The following ARHGEF18 variants were observed in gnomAD, a reference collection of about 807,000 sequenced individuals.
ARHGEF18 encodes rho guanine nucleotide exchange factor 18.
In ARHGEF18, 93 loss-of-function variants were observed where a neutral mutation model predicts 155.7. That is an observed-to-expected ratio of 0.60 (90% confidence interval 0.50 to 0.71). ARHGEF18 has a LOEUF of 0.71. ARHGEF18 is among the 30% of genes least tolerant of loss of function. ARHGEF18 has a pLI of 0.00. For missense variants in ARHGEF18, 1,593 were observed against 1,816.1 expected (o/e 0.88, Z 2.23); for synonymous variants, 742 against 753.1 (o/e 0.99, Z 0.24).
At chr19:7,461,840 A>G (rs1976284214) in intron 20 of ARHGEF18, among the ~76,000 whole-genome samples, 1 of 152,120 alleles carries the variant, frequency 6.6e-6, no homozygotes, top group Non-Finnish European at 1.5e-5. Context: ...ATTTGTAGAG[A>G]CAGAGTCTCA....
At position 7,382,795 on chromosome 19, in the gene ARHGEF18, C is replaced by G. The variant is rs1212446587; in HGVS notation, c.726C>G (p.Ser242Arg). 5 of 1,232,322 alleles carry G rather than the reference C, an allele frequency of 4.1e-6. No individual in the cohort carries two copies. In the Admixed American group the frequency reaches 1.7e-4, roughly 42 times the overall value. 76.3% of individuals were successfully genotyped at this position (1,232,322 alleles called of 1,614,324 possible). The change falls in exon 9 of 29, where the codon AGC becomes AGG. Residue 242 changes from serine to arginine, a missense_variant. Coordinates refer to ENST00000668164, the MANE Select transcript of ARHGEF18 (RefSeq NM_001367823.1). ...GACCTTCCCTCTCGTCCCTCAGGAG[C>G]GAGGACGGTGCTGGCAAGAACGAGA... The part of the protein sequence containing the change: ...NLTWFEFLSE[S>R]EDGAGKNEKS...
chr19:7,374,308 C>G (rs905449768), intron 3 of ARHGEF18, among the ~76,000 whole-genome samples: 1 of 152,166 alleles, frequency 6.6e-6, no homozygotes, highest in Non-Finnish European at 1.5e-5. Context: ...CCAAAAAACC[C>G]TCTTCTAACT....
chr19:7,426,460 C>T lies in ARHGEF18; in HGVS notation c.968-13884C>T, dbSNP rs1421929337. Among the ~76,000 whole-genome samples, 21 of 141,390 alleles carry T rather than the reference C, an allele frequency of 1.5e-4. 1 individual carries two copies. In the Admixed American group the frequency reaches 1.7e-3, roughly 11 times the overall value. The allele number at this position is 141,390 out of a possible 152,430, so 92.8% of individuals were successfully genotyped here. A position where few individuals can be genotyped will look rare whatever the true frequency, so the allele number is the denominator to read the frequency against. ...TGAGATTGCGCCAGCACACTCCAGC[C>T]TGGGCGACAAAGTGAGACTCTGTCT... On this transcript the variant is annotated intron_variant, in intron 10 of 28. Transcript: ENST00000668164.
chr19:7,446,205 C>T (rs1355042985), intron 14 of ARHGEF18, among the ~76,000 whole-genome samples: 1 of 151,818 alleles, frequency 6.6e-6, no homozygotes, highest in Non-Finnish European at 1.5e-5. Flanking sequence ...TCAAGGCCAG[C>T]CTGACCAACA....
At chr19:7,418,145 C>T (rs1428002515) in intron 10 of ARHGEF18, among the ~76,000 whole-genome samples, 2 of 152,180 alleles carry the variant, frequency 1.3e-5, no homozygotes, top group Non-Finnish European at 2.9e-5. Context: ...AATGGTAGTA[C>T]AAATAGTCAA....
chr19:7,416,527 ATTCG>A (rs1973015521), intron 10 of ARHGEF18, among the ~76,000 whole-genome samples: 1 of 117,258 alleles, frequency 8.5e-6, no homozygotes, highest in African/African-American at 3.1e-5. Context: ...CACGGAGAAA[ATTCG>A]TGTGTGTGTG....
At chr19:7,421,514 A>G (rs148805431) in intron 10 of ARHGEF18, among the ~76,000 whole-genome samples, 2,013 of 152,196 alleles carry the variant, frequency 0.013, 52 homozygotes, top group East Asian at 0.066. Flanking sequence ...TAATCCCAGC[A>G]CTTTGGGAGG....
intron 10 of ARHGEF18, among the ~76,000 whole-genome samples, chr19:7,398,107 C>A (rs1321166779): frequency 1.3e-5 from 2 of 151,934 alleles, no homozygotes; most frequent in African/African-American, 4.8e-5. Context: ...CGGTCTCGCT[C>A]TGGCGCCCAG....
In ARHGEF18 at chr19:7,453,642, G is replaced by T. The variant is rs1975643460; in HGVS notation, c.2031G>T (p.Lys677Asn). 12 of 1,611,236 alleles carry T rather than the reference G, an allele frequency of 7.4e-6. No individual in the cohort carries two copies. Among genetic ancestry groups the T allele is most frequent in the Non-Finnish European group, 1.0e-5 (12 of 1,177,940 alleles). The change falls in exon 17 of 29, where the codon AAG (lysine) becomes AAT (asparagine). Residue 677 changes from lysine (K) to asparagine (N), a missense_variant. Lys to Asn is a moderately conservative substitution (Grantham distance 94). Coordinates refer to ENST00000668164, the MANE Select transcript of ARHGEF18 (RefSeq NM_001367823.1). The stretch of plus-strand genomic sequence containing the variant: ...TCAAGAACGGGCTCACCTTCCGCAA[G>T]GAAGACATGCTTCAGCGGCAGCTCC... Reference protein sequence around the residue: ...SKLKNGLTFRKEDMLQRQLHL... With the variant: ...SKLKNGLTFRNEDMLQRQLHL...
chr19:7,407,983 A>AAAAAAAAAAAAAAAAAAC lies in ARHGEF18; in HGVS notation c.967+24784_967+24785insAAAAAAAAAAAAACAAAA, dbSNP rs1555711562. Among the ~76,000 whole-genome samples, 42 of 141,962 alleles carry AAAAAAAAAAAAAAAAAAC rather than the reference A, an allele frequency of 3.0e-4. 2 individuals carry two copies. Among genetic ancestry groups the AAAAAAAAAAAAAAAAAAC allele is most frequent in the African/African-American group, 1.1e-3 (37 of 32,820 alleles). The allele number at this position is 141,962 out of a possible 152,430, so 93.1% of individuals were successfully genotyped here. On this transcript the variant is annotated intron_variant, in intron 10 of 28. Coordinates refer to ENST00000668164, the MANE Select transcript of ARHGEF18 (RefSeq NM_001367823.1). ...TCTCAAAAAAAAAAAAAAAAAAAAA[A>AAAAAAAAAAAAAAAAAAC]AAAAGAGGTAGTAGGCTGGGTGCAG...
At chr19:7,478,791 G>T in the ARHGEF18 span, among the ~76,000 whole-genome samples, 1 of 152,234 alleles carries the variant, frequency 6.6e-6, no homozygotes, top group Non-Finnish European at 1.5e-5. Flanking sequence ...TGTCTGCTCT[G>T]TGTGGAAAGG....
Position 7,395,172 on chromosome 19 carries a change from G to C in ARHGEF18, c.967+11969G>C. On this transcript the variant is annotated intron_variant, in intron 10 of 28. Coordinates refer to ENST00000668164, the MANE Select transcript of ARHGEF18 (RefSeq NM_001367823.1). The surrounding 1 kb of genome is among the most constrained non-coding windows in gnomAD (Gnocchi z 5.0). ...TAGCTACTGTGGATCTGGGGGGGCCGGACGGAGGCATCGGAGGCGGCTGCG... is the reference window on the plus strand; with the variant it reads ...TAGCTACTGTGGATCTGGGGGGGCCCGACGGAGGCATCGGAGGCGGCTGCG... 1 of 986,094 alleles carries C rather than the reference G, an allele frequency of 1.0e-6. No individual in the cohort carries two copies. Among genetic ancestry groups the C allele is most frequent in the African/African-American group, 1.7e-5 (1 of 57,390 alleles). The allele number at this position is 986,094 out of a possible 1,614,324, so 61.1% of individuals were successfully genotyped here. A position where few individuals can be genotyped will look rare whatever the true frequency, so the allele number is the denominator to read the frequency against.
chr19:7,468,854 C>T lies in ARHGEF18; in HGVS notation c.3510C>T (p.Phe1170=), dbSNP rs1168528661. The T allele has an allele frequency of 5.7e-6, 9 of 1,567,512 alleles. No individual in the cohort carries two copies. The highest frequency in any genetic ancestry group is 7.8e-6 in the Non-Finnish European group (9 of 1,153,462). The part of the protein sequence containing the change: ...EAQPPSHPPS[F]NGEGLEGPRV... Reference sequence around the variant, plus strand: ...AGCCCCCAAGCCACCCTCCCAGCTTCAACGGGGAAGGGCTGGAGGGCCCTC... The same window carrying T: ...AGCCCCCAAGCCACCCTCCCAGCTTTAACGGGGAAGGGCTGGAGGGCCCTC... Residue 1170 remains phenylalanine, a synonymous_variant, in exon 27 of 29, where the codon TTC becomes TTT. Coordinates refer to ENST00000668164, the MANE Select transcript of ARHGEF18 (RefSeq NM_001367823.1).
At chr19:7,430,737 C>A (rs904633325) in intron 10 of ARHGEF18, among the ~76,000 whole-genome samples, 1 of 152,082 alleles carries the variant, frequency 6.6e-6, no homozygotes, top group Non-Finnish European at 1.5e-5. Context: ...CCCAGGAATT[C>A]GTAACTGCGG....
chr19:7,431,742 A>G (rs1024983912), intron 10 of ARHGEF18, among the ~76,000 whole-genome samples: 6 of 152,214 alleles, frequency 3.9e-5, no homozygotes, highest in African/African-American at 1.4e-4. Flanking sequence ...TGAACCCAGG[A>G]GGCGGAGGTT....
intron 8 of ARHGEF18, among the ~76,000 whole-genome samples, chr19:7,382,553 A>C (rs1970799650): frequency 6.6e-6 from 1 of 152,088 alleles, no homozygotes; most frequent in South Asian, 2.1e-4. Flanking sequence ...ATCACGTTGC[A>C]TTTCCCTCTG....
At chr19:7,397,506 G>GCA (rs1491471912) in intron 10 of ARHGEF18, among the ~76,000 whole-genome samples, 4 of 151,812 alleles carry the variant, frequency 2.6e-5, no homozygotes. Context: ...CCCGGGGGGG[G>GCA]GCAGATCACG....
the ARHGEF18 span, among the ~76,000 whole-genome samples, chr19:7,479,104 A>G: frequency 6.6e-6 from 1 of 152,214 alleles, no homozygotes; most frequent in Admixed American, 6.5e-5. Flanking sequence ...TGCAGGATGC[A>G]GGATAGCGCC....
intron 1 of ARHGEF18, among the ~76,000 whole-genome samples, chr19:7,352,171 T>C (rs781288151): frequency 4.6e-5 from 7 of 152,088 alleles, no homozygotes; most frequent in Non-Finnish European, 1.0e-4. Context: ...TATGGTGTCA[T>C]TTTCCTCCAT....
Sources: allele counts gnomAD v4.1 joint callset (sites outside exome capture counted in the v4.1 genomes callset), GRCh38; gene constraint gnomAD v4.1.1; non-coding constraint Gnocchi (gnomAD v3.1); transcripts MANE v1.5; gene names NCBI Gene and HGNC (gene_info 2026-07-23, HGNC 2026-07-21).